ARHGAP17: variants seen among roughly 807,000 people sequenced by gnomAD.
The protein encoded by ARHGAP17 is rho GTPase-activating protein 17.
In ARHGAP17, 57 loss-of-function variants were observed where a neutral mutation model predicts 99.5. The observed-to-expected ratio is 0.57, with a 90% CI of 0.46 to 0.71. The LOEUF (loss-of-function observed/expected upper bound fraction) is 0.71. ARHGAP17 is among the 30% of genes least tolerant of loss of function. The pLI is 0.00. For missense variants in ARHGAP17, 1,000 were observed against 1,122.4 expected, an observed-to-expected ratio of 0.89 and a Z score of 1.56; for synonymous variants, 417 against 429.6, an observed-to-expected ratio of 0.97 and a Z score of 0.36.
At chr16:24,944,742 G>A (rs770700873) in intron 14 of ARHGAP17, among the ~76,000 whole-genome samples, 84 of 151,964 alleles carry the variant, frequency 5.5e-4, no homozygotes, top group Non-Finnish European at 1.0e-3. Context: ...TCAGCCTCCC[G>A]AGTAGCTGGG....
At chr16:24,945,343 A>AAAGAAG (rs199638888) in intron 14 of ARHGAP17, among the ~76,000 whole-genome samples, 5 of 151,102 alleles carry the variant, frequency 3.3e-5, no homozygotes, top group Non-Finnish European at 7.4e-5. Context: ...AGAAAGGAAG[A>AAAGAAG]AAGAAGAAGA....
intron 1 of ARHGAP17, among the ~76,000 whole-genome samples, chr16:24,999,399 T>TTTTA (rs138044912): frequency 0.33 from 48,709 of 149,374 alleles, 8,329 homozygotes; most frequent in African/African-American, 0.36. Context: ...TCTACAGGTG[T>TTTTA]TTTATTTATT....
chr16:24,935,942 G>A lies in ARHGAP17; in HGVS notation c.1725-303C>T, dbSNP rs573195125. The A allele has an allele frequency of 4.7e-4, 193 of 406,320 alleles. 2 individuals are homozygous for A. The highest frequency in any genetic ancestry group is 3.3e-3 in the African/African-American group (163 of 48,840). 25.2% of individuals were successfully genotyped at this position (406,320 alleles called of 1,614,324 possible). On this transcript the variant is annotated intron_variant, in intron 17 of 19. Transcript: ENST00000289968. ...TCCTGCCTCAGCACCCTGAGTAGCC[G>A]GGACTATAGGACTATTTATTTTATG...
In ARHGAP17 at chr16:24,919,911, G is replaced by C. The variant is rs992638494; in HGVS notation, c.*219C>G. The C allele has an allele frequency of 1.3e-5, 7 of 518,520 alleles. No homozygotes were observed. The African/African-American group carries it at 1.4e-4, about 10-fold the overall frequency. The allele number at this position is 518,520 out of a possible 1,614,324, so 32.1% of individuals were successfully genotyped here. A position where few individuals can be genotyped will look rare whatever the true frequency, so the allele number is the denominator to read the frequency against. ...TTTTTTGGCATGATTTCCTTCCCAT[G>C]TAAAGAAAGCCAACTTCTTCAAGAC... On this transcript the variant is annotated 3_prime_UTR_variant, in exon 20 of 20. Coordinates refer to ENST00000289968, the MANE Select transcript of ARHGAP17 (RefSeq NM_001006634.3).
In ARHGAP17 at chr16:25,003,583, GGAGGCCGAGGAGGGCTGATTGCTT is replaced by G. The variant is rs2053430007; in HGVS notation, c.53+11602_53+11625del. ...TCACACCTGTAATCCCAGCACTTTGGGAGGCCGAGGAGGGCTGATTGCTTGAGGCCAGGAGTTCCAGATCAGCCT... is the reference window on the plus strand; with the variant it reads ...TCACACCTGTAATCCCAGCACTTTGGGAGGCCAGGAGTTCCAGATCAGCCT... On this transcript the variant is annotated intron_variant, in intron 1 of 19. Coordinates refer to ENST00000289968, the MANE Select transcript of ARHGAP17 (RefSeq NM_001006634.3). 2.6e-5 allele frequency among the ~76,000 whole-genome samples: 4 copies of G among 152,244 alleles called. No individual in the cohort carries two copies. The South Asian group carries it at 8.3e-4, about 32-fold the overall frequency.
At position 24,931,357 on chromosome 16, in the gene ARHGAP17, G is replaced by T. The variant is rs201275465; in HGVS notation, c.1942C>A (p.Pro648Thr). 2 of 1,513,934 alleles carry T rather than the reference G, an allele frequency of 1.3e-6. No individual in the cohort carries two copies. The highest frequency in any genetic ancestry group is 1.8e-6 in the Non-Finnish European group (2 of 1,134,094). 93.8% of individuals were successfully genotyped at this position (1,513,934 alleles called of 1,614,324 possible). ...GAACTCTGGCCCCCGGGGTGGCCAG[G>T]AGGTGGGTTGCCCGGTTTCGGGGGT... is the stretch of plus-strand genomic sequence containing the variant. ...PAPPKPGNPP[P>T]GHPGGQSSSG... The change falls in exon 19 of 20, where the codon CCT (proline) becomes ACT (threonine). Residue 648 changes from proline to threonine, a missense_variant. Transcript: ENST00000289968.
intron 1 of ARHGAP17, among the ~76,000 whole-genome samples, chr16:24,981,495 C>G (rs1268166370): frequency 6.6e-6 from 1 of 152,050 alleles, no homozygotes; most frequent in African/African-American, 2.4e-5. Flanking sequence ...TTTATCAGAA[C>G]AGAAAGTCAA....
At chr16:24,998,061 G>C (rs1199537516) in intron 1 of ARHGAP17, among the ~76,000 whole-genome samples, 4 of 151,952 alleles carry the variant, frequency 2.6e-5, no homozygotes, top group Non-Finnish European at 5.9e-5. Context: ...CCAGGGCAGG[G>C]GACAGGATAG....
chr16:25,004,822 A>C (rs1290663149), intron 1 of ARHGAP17, among the ~76,000 whole-genome samples: 3 of 152,256 alleles, frequency 2.0e-5, no homozygotes, highest in African/African-American at 7.2e-5. Context: ...ACATCTTGGG[A>C]TAATCAAAAG....
chr16:24,939,288 C>T lies in ARHGAP17; in HGVS notation c.1724+76G>A, dbSNP rs115197073. ...TGGAGCAGTTCTTTGGGCATGGATG[C>T]CGTGCTCAAAGGCCACCACCTGCAA... is the stretch of plus-strand genomic sequence containing the variant. On this transcript the variant is annotated intron_variant, in intron 17 of 19. Coordinates refer to ENST00000289968, the MANE Select transcript of ARHGAP17 (RefSeq NM_001006634.3). 631 of 1,345,522 alleles carry T rather than the reference C, an allele frequency of 4.7e-4. 2 individuals carry two copies. In the African/African-American group the frequency reaches 8.3e-3, roughly 18 times the overall value. 83.3% of individuals were successfully genotyped at this position (1,345,522 alleles called of 1,614,324 possible). A position where few individuals can be genotyped will look rare whatever the true frequency, so the allele number is the denominator to read the frequency against.
intron 15 of ARHGAP17, 82 bp from the exon 16 acceptor site, chr16:24,942,225 G>T: frequency 7.2e-7 from 1 of 1,391,670 alleles, no homozygotes; most frequent in Non-Finnish European, 9.7e-7. Context: ...CATTGGAACG[G>T]GAACCTCGTT....
In ARHGAP17 at chr16:24,954,614, T is replaced by C. The variant is rs201555651; in HGVS notation, c.841A>G (p.Met281Val). Residue 281 changes from methionine to valine, a missense_variant, in exon 10 of 20, where the codon ATG (methionine) becomes GTG (valine). Transcript: ENST00000289968. ...ACVMLLLETG[M>V]KEEGLFRIGA... Reference sequence around the variant, plus strand: ...GAAGCTCCCCTCACCTCCTCCTTCATGCCTGTCTCCAGAAGCAGCATGACA... The same window carrying C: ...GAAGCTCCCCTCACCTCCTCCTTCACGCCTGTCTCCAGAAGCAGCATGACA... The C allele has an allele frequency of 5.8e-5, 94 of 1,613,742 alleles. No homozygotes were observed. The highest frequency in any genetic ancestry group is 3.8e-4 in the East Asian group (17 of 44,870).
In ARHGAP17 at chr16:24,939,460, G is replaced by T. The variant is rs1369197390; in HGVS notation, c.1628C>A (p.Pro543His). Reference sequence around the variant, plus strand: ...GCTTTCAGCCCTAGAGCTCTGGGGAGGGGGCTCTGGGCCAGCGGGCACCAC... The same window carrying T: ...GCTTTCAGCCCTAGAGCTCTGGGGATGGGGCTCTGGGCCAGCGGGCACCAC... Reference protein sequence around the residue: ...STVVPAGPEPPPQSSRAESSS... With the variant: ...STVVPAGPEPHPQSSRAESSS... Residue 543 changes from proline to histidine, a missense_variant, in exon 17 of 20, where the codon CCT (proline) becomes CAT (histidine). Pro to His is a moderately conservative substitution (Grantham distance 77, BLOSUM62 -2). This residue lies in a region of ARHGAP17 where 528 missense variants were observed against 511.4 expected (regional missense o/e 1.03). Coordinates refer to ENST00000289968, the MANE Select transcript of ARHGAP17 (RefSeq NM_001006634.3). The T allele has an allele frequency of 6.2e-7, 1 of 1,611,338 alleles. No homozygotes were observed. The highest frequency in any genetic ancestry group is 2.2e-5 in the East Asian group (1 of 44,840).
At chr16:24,930,008 AC>A (rs1158980885) in intron 19 of ARHGAP17, among the ~76,000 whole-genome samples, 1 of 152,080 alleles carries the variant, frequency 6.6e-6, no homozygotes, top group African/African-American at 2.4e-5. Flanking sequence ...CACACTAGAA[AC>A]CCCCATATTC....
chr16:25,009,345 C>T (rs547879244), intron 1 of ARHGAP17, among the ~76,000 whole-genome samples: 8 of 132,626 alleles, frequency 6.0e-5, no homozygotes, highest in East Asian at 2.3e-4. Context: ...CCAGTCTGGG[C>T]GGCAGAGCGA....
chr16:24,977,204 C>G lies in ARHGAP17; in HGVS notation c.198+11G>C. 6.4e-7 allele frequency: 1 copy of G among 1,565,218 alleles called. No individual in the cohort carries two copies. Among genetic ancestry groups the G allele is most frequent in the Non-Finnish European group, 8.7e-7 (1 of 1,146,362 alleles). On this transcript the variant is annotated intron_variant, in intron 3 of 19. Transcript: ENST00000289968. ...CAGGAACTGTGGGTCTGAGTCACAT[C>G]TGATACTCACGTGTCTCCTCTCGGC...
At chr16:24,961,017 G>A (rs1173909399) in intron 7 of ARHGAP17, among the ~76,000 whole-genome samples, 3 of 151,932 alleles carry the variant, frequency 2.0e-5, no homozygotes, top group African/African-American at 7.2e-5. Flanking sequence ...GATTACAGGC[G>A]TGTGCCACCA....
At chr16:24,976,688 C>T (rs1363095964) in intron 3 of ARHGAP17, among the ~76,000 whole-genome samples, 1 of 152,156 alleles carries the variant, frequency 6.6e-6, no homozygotes, top group African/African-American at 2.4e-5. Context: ...ACTCAAGGAA[C>T]AAGCAGCCCA....
intron 1 of ARHGAP17, among the ~76,000 whole-genome samples, chr16:24,997,755 C>T (rs2053239344): frequency 6.6e-6 from 1 of 152,140 alleles, no homozygotes; most frequent in East Asian, 1.9e-4. Context: ...GAGGGACTGG[C>T]TGGACAATGT....
Sources: allele counts gnomAD v4.1 joint callset (sites outside exome capture counted in the v4.1 genomes callset), GRCh38; gene constraint gnomAD v4.1.1; regional missense constraint gnomAD v4.1.1; transcripts MANE v1.5; gene names NCBI Gene and HGNC (gene_info 2026-07-23, HGNC 2026-07-21).